The following NFE2L2 variants were observed in gnomAD, a reference collection of about 807,000 sequenced individuals.
NFE2L2 encodes NFE2 like bZIP transcription factor 2.
NFE2L2 carries 20 observed loss-of-function variants against 49.6 expected under a neutral mutation model. The ratio of observed to expected loss-of-function variants is 0.40; its 90% CI spans 0.28 to 0.59. The LOEUF is 0.59. NFE2L2 is among the 20% of genes least tolerant of loss of function. NFE2L2 has a pLI of 0.40. For synonymous variants in NFE2L2, 244 were observed against 256.5 expected, an observed-to-expected ratio of 0.95 and a Z score of 0.47; for missense variants, 578 against 714.2, an observed-to-expected ratio of 0.81 and a Z score of 2.17.
At chr2:177,258,479 G>A (rs1690612439) in intron 1 of NFE2L2, among the ~76,000 whole-genome samples, 1 of 152,150 alleles carries the variant, frequency 6.6e-6, no homozygotes, top group Admixed American at 6.5e-5. Flanking sequence ...TAATGGATAT[G>A]GGGTTTCTTT....
chr2:177,263,434 T>A, intron 1 of NFE2L2: 1 of 985,492 alleles, frequency 1.0e-6, no homozygotes, highest in South Asian at 4.7e-5. Context: ...TATCCCGTCT[T>A]ACACATTTTG....
intron 1 of NFE2L2, among the ~76,000 whole-genome samples, chr2:177,247,491 C>A (rs893928789): frequency 5.3e-5 from 8 of 151,968 alleles, no homozygotes; most frequent in African/African-American, 1.9e-4. Context: ...GAAACCCTGT[C>A]TCTACTAAAA....
At chr2:177,260,151 A>C (rs1209623898) in intron 1 of NFE2L2, among the ~76,000 whole-genome samples, 2 of 152,246 alleles carry the variant, frequency 1.3e-5, no homozygotes, top group African/African-American at 4.8e-5. Context: ...AGATGATCAA[A>C]GAATAAACTC....
chr2:177,243,928 T>G (rs1242178777), intron 1 of NFE2L2, among the ~76,000 whole-genome samples: 1 of 152,012 alleles, frequency 6.6e-6, no homozygotes, highest in Non-Finnish European at 1.5e-5. Context: ...GGAGACCTTG[T>G]GTGCTGGTGG....
intron 1 of NFE2L2, among the ~76,000 whole-genome samples, chr2:177,249,060 G>GA (rs961282721): frequency 2.0e-4 from 29 of 144,208 alleles, no homozygotes; most frequent in Non-Finnish European, 2.3e-4. Context: ...CTACAAAAGA[G>GA]AAAAAAAAAA....
rs1328262363 is a variant in NFE2L2, at chr2:177,231,108, G to A, written c.1495C>T (p.Arg499Trp). 2.5e-6 allele frequency: 4 copies of A among 1,613,944 alleles called. No individual in the cohort carries two copies. The highest frequency in any genetic ancestry group is 1.7e-5 in the Admixed American group (1 of 59,992). ...TTCTTACCCCTCCTACGTATATCCC[G>A]AATTAATGCAAGTTGAGCTTCATTG... ...QFNEAQLALI[R>W]DIRRRGKNKV... The change falls in exon 5 of 5, where the codon CGG becomes TGG. Residue 499 changes from arginine (R) to tryptophan (W), a missense_variant. Transcript: ENST00000397062.
intron 1 of NFE2L2, among the ~76,000 whole-genome samples, chr2:177,239,249 A>G (rs776181414): frequency 7.2e-5 from 11 of 152,324 alleles, no homozygotes; most frequent in Non-Finnish European, 1.3e-4. Context: ...GCCCTAGCTT[A>G]CTGTCTCCAC....
rs187543639 is a variant in NFE2L2, at chr2:177,253,974, G to A, written c.45+10558C>T. Among the ~76,000 whole-genome samples the A allele has an allele frequency of 3.7e-3, 560 of 152,206 alleles. 4 individuals are homozygous for A. The highest frequency in any genetic ancestry group is 6.8e-3 in the Middle Eastern group (2 of 294). On this transcript the variant is annotated intron_variant, in intron 1 of 4. Coordinates refer to ENST00000397062, the MANE Select transcript of NFE2L2 (RefSeq NM_006164.5). ...TCCCTCAGGCTGATGGTCAGAAAAA[G>A]GATGAGAAGTGGGCAAACTTACTTT... is the stretch of plus-strand genomic sequence containing the variant.
At chr2:177,251,673 G>A (rs1180096684) in intron 1 of NFE2L2, among the ~76,000 whole-genome samples, 2 of 152,078 alleles carry the variant, frequency 1.3e-5, no homozygotes, top group African/African-American at 4.8e-5. Flanking sequence ...GAGGTTTATA[G>A]CAAACAGCAA....
At chr2:177,241,213 T>C (rs1296542654) in intron 1 of NFE2L2, among the ~76,000 whole-genome samples, 1 of 152,246 alleles carries the variant, frequency 6.6e-6, no homozygotes, top group Non-Finnish European at 1.5e-5. Flanking sequence ...TCTTAAGTTA[T>C]TCCTTCTTAA....
intron 2 of NFE2L2, chr2:177,233,583 G>A (rs966940746): frequency 1.3e-5 from 7 of 530,906 alleles, no homozygotes; most frequent in South Asian, 2.4e-5. Context: ...GTTGCTCATC[G>A]TAGATAAAAC....
intron 1 of NFE2L2, among the ~76,000 whole-genome samples, chr2:177,252,000 CA>C (rs3082509): frequency 3.3e-4 from 34 of 104,482 alleles, no homozygotes; most frequent in South Asian, 1.4e-3. Flanking sequence ...GACTCTGTCT[CA>C]AAAAAAAAAA....
chr2:177,263,613 G>A (rs1690823762), intron 1 of NFE2L2: 1 of 985,292 alleles, frequency 1.0e-6, no homozygotes, highest in African/African-American at 1.7e-5. Context: ...GGCCAACCGA[G>A]CGCTGTCACG....
intron 1 of NFE2L2, among the ~76,000 whole-genome samples, chr2:177,244,194 G>A (rs548043734): frequency 2.3e-4 from 35 of 151,770 alleles, no homozygotes; most frequent in African/African-American, 8.2e-4. Flanking sequence ...CCAGCTACTC[G>A]GGAGGCTGAG....
In NFE2L2 at chr2:177,231,743, G is replaced by C; in HGVS notation, c.860C>G (p.Ser287Cys). 1.9e-6 allele frequency: 3 copies of C among 1,614,202 alleles called. No homozygotes were observed. The highest frequency in any genetic ancestry group is 2.5e-6 in the Non-Finnish European group (3 of 1,180,026). Residue 287 changes from serine to cysteine, a missense_variant, in exon 5 of 5, where the codon TCT becomes TGT. This residue lies in a region of NFE2L2 where 368 missense variants were observed against 384.6 expected (regional missense o/e 0.96). Coordinates refer to ENST00000397062, the MANE Select transcript of NFE2L2 (RefSeq NM_006164.5). The part of the protein sequence containing the change: ...VNTDFGDEFY[S>C]AFIAEPSISN... ...GATACTGGGCTCAGCTATGAAAGCAGAATAAAATTCATCACCAAAATCTGT... is the reference window on the plus strand; with the variant it reads ...GATACTGGGCTCAGCTATGAAAGCACAATAAAATTCATCACCAAAATCTGT...
At chr2:177,242,842 GCA>G (rs1304203362) in intron 1 of NFE2L2, among the ~76,000 whole-genome samples, 1 of 151,720 alleles carries the variant, frequency 6.6e-6, no homozygotes, top group African/African-American at 2.4e-5. Flanking sequence ...GCTACAAAAA[GCA>G]CATGGTACTG....
intron 1 of NFE2L2, among the ~76,000 whole-genome samples, chr2:177,242,910 GT>G (rs200970759): frequency 6.3e-5 from 9 of 142,558 alleles, no homozygotes; most frequent in Admixed American, 1.4e-4. Flanking sequence ...TTTTTTTTTT[GT>G]TTTTTTTTTG....
At chr2:177,238,095 GTCAA>G (rs993427486) in intron 1 of NFE2L2, among the ~76,000 whole-genome samples, 27 of 152,314 alleles carry the variant, frequency 1.8e-4, no homozygotes, top group African/African-American at 4.3e-4. Context: ...TCTTTGCAAA[GTCAA>G]TCAAAGAAAC....
At chr2:177,241,087 A>T (rs1056429732) in intron 1 of NFE2L2, among the ~76,000 whole-genome samples, 1 of 152,066 alleles carries the variant, frequency 6.6e-6, no homozygotes, top group Non-Finnish European at 1.5e-5. Flanking sequence ...ATAAACTGTT[A>T]AAAAAAATTA....
Sources: allele counts gnomAD v4.1 joint callset (sites outside exome capture counted in the v4.1 genomes callset), GRCh38; gene constraint gnomAD v4.1.1; regional missense constraint gnomAD v4.1.1; transcripts MANE v1.5; gene names NCBI Gene and HGNC (gene_info 2026-07-23, HGNC 2026-07-21).